Variants in ST6GALNAC3 observed in about 807,000 individuals in gnomAD.
ST6GALNAC3 encodes the protein alpha-N-acetylgalactosaminide alpha-2,6-sialyltransferase 3.
Under a neutral mutation model 32.7 loss-of-function variants are expected in ST6GALNAC3, and 25 were observed. The observed-to-expected ratio is 0.76, with a 90% CI of 0.56 to 1.07. ST6GALNAC3 has a LOEUF of 1.07. Ranked by LOEUF, ST6GALNAC3 falls within the 50% of genes least tolerant of loss-of-function variation. The probability of loss-of-function intolerance (pLI) is 0.00; values close to 1 mark genes in which losing one functional copy is unlikely to be tolerated. For missense variants in ST6GALNAC3, 355 were observed against 382.4 expected, an observed-to-expected ratio of 0.93 and a Z score of 0.60; for synonymous variants, 129 against 133.1, an observed-to-expected ratio of 0.97 and a Z score of 0.21.
At chr1:76,515,385 TG>T (rs1442726730) in intron 3 of ST6GALNAC3, among the ~76,000 whole-genome samples, 4 of 152,262 alleles carry the variant, frequency 2.6e-5, no homozygotes, top group East Asian at 1.9e-4. Flanking sequence ...ACTCTTTTGT[TG>T]TTTTTTTTAA....
At chr1:76,221,477 G>A (rs1655767192) in intron 1 of ST6GALNAC3, among the ~76,000 whole-genome samples, 1 of 152,052 alleles carries the variant, frequency 6.6e-6, no homozygotes, top group Admixed American at 6.6e-5. Context: ...GTAAAATACC[G>A]TGGAAAATAA....
At chr1:76,622,821 TTC>T (rs1362178687) in intron 3 of ST6GALNAC3, among the ~76,000 whole-genome samples, 1 of 151,984 alleles carries the variant, frequency 6.6e-6, no homozygotes, top group Non-Finnish European at 1.5e-5. Flanking sequence ...CATAATCCAG[TTC>T]TCTTTTGAAA....
intron 3 of ST6GALNAC3, among the ~76,000 whole-genome samples, chr1:76,460,461 A>G (rs1658204668): frequency 6.6e-6 from 1 of 152,212 alleles, no homozygotes; most frequent in Admixed American, 6.5e-5. Context: ...ACTATTCACT[A>G]AGAGGGTCCC....
At chr1:76,302,734 G>A (rs966900563) in intron 1 of ST6GALNAC3, among the ~76,000 whole-genome samples, 21 of 151,978 alleles carry the variant, frequency 1.4e-4, no homozygotes, top group Admixed American at 1.4e-3. Context: ...GAAAACGTAT[G>A]CTGTGTGCCC....
At chr1:76,312,196 C>CA (rs1646778788) in intron 1 of ST6GALNAC3, among the ~76,000 whole-genome samples, 2 of 152,108 alleles carry the variant, frequency 1.3e-5, no homozygotes, top group African/African-American at 4.8e-5. Flanking sequence ...CCCTAATTAA[C>CA]AAATGGTGTT....
chr1:76,274,328 G>C (rs6657540), intron 1 of ST6GALNAC3, among the ~76,000 whole-genome samples: 23,106 of 152,094 alleles, frequency 0.15, 3,219 homozygotes, highest in African/African-American at 0.36. Flanking sequence ...CATACCTGCT[G>C]TGTGACGGGA....
At chr1:76,496,787 C>G (rs1660875791) in intron 3 of ST6GALNAC3, among the ~76,000 whole-genome samples, 1 of 152,132 alleles carries the variant, frequency 6.6e-6, no homozygotes, top group Non-Finnish European at 1.5e-5. Flanking sequence ...GCTTAGGAGG[C>G]CCATCAAACA....
chr1:76,152,564 T>C lies in ST6GALNAC3; in HGVS notation c.18+77680T>C, dbSNP rs1651113225. Among the ~76,000 whole-genome samples the C allele has an allele frequency of 2.0e-5, 3 of 152,204 alleles. No individual in the cohort carries two copies. The South Asian group carries it at 6.2e-4, about 32-fold the overall frequency. The stretch of plus-strand genomic sequence containing the variant: ...CTTTGGTAATGTTCATAGTGAAGCA[T>C]CTGAGCTGAGCCTGAGGCTTCCCAG... On this transcript the variant is annotated intron_variant, in intron 1 of 4. Transcript: ENST00000328299.
intron 2 of ST6GALNAC3, among the ~76,000 whole-genome samples, chr1:76,318,879 C>G (rs879109019): frequency 2.6e-5 from 4 of 152,170 alleles, no homozygotes; most frequent in Non-Finnish European, 4.4e-5. Flanking sequence ...GGTAATCTTG[C>G]TTTCTCCTGT....
chr1:76,167,242 A>G (rs1032919012), intron 1 of ST6GALNAC3, among the ~76,000 whole-genome samples: 1 of 152,196 alleles, frequency 6.6e-6, no homozygotes, highest in African/African-American at 2.4e-5. Context: ...CCTTTTCTGC[A>G]TCTATTGAAA....
intron 3 of ST6GALNAC3, among the ~76,000 whole-genome samples, chr1:76,590,816 C>G (rs1361642348): frequency 1.3e-5 from 2 of 152,050 alleles, no homozygotes; most frequent in Non-Finnish European, 2.9e-5. Flanking sequence ...GTACTTGTGT[C>G]CATTTTCTCT....
chr1:76,460,545 G>A (rs1658210457), intron 3 of ST6GALNAC3, among the ~76,000 whole-genome samples: 1 of 152,164 alleles, frequency 6.6e-6, no homozygotes, highest in Admixed American at 6.5e-5. Context: ...TTTGATTGTG[G>A]ATAATAGGTG....
intron 3 of ST6GALNAC3, among the ~76,000 whole-genome samples, chr1:76,594,671 G>A (rs115489395): frequency 2.5e-4 from 38 of 152,244 alleles, no homozygotes; most frequent in African/African-American, 8.7e-4. Flanking sequence ...ATAGACAATA[G>A]ATAAAGCTGC....
At chr1:76,314,718 T>G (rs958821697) in intron 2 of ST6GALNAC3, among the ~76,000 whole-genome samples, 1 of 152,194 alleles carries the variant, frequency 6.6e-6, no homozygotes, top group Non-Finnish European at 1.5e-5. Context: ...TAAAATTGTT[T>G]TCACTATTCA....
At chr1:76,383,715 A>G (rs1315606224) in intron 2 of ST6GALNAC3, among the ~76,000 whole-genome samples, 2 of 152,232 alleles carry the variant, frequency 1.3e-5, no homozygotes, top group Non-Finnish European at 2.9e-5. Context: ...AAAACAAGTA[A>G]TAATGTCTAG....
intron 2 of ST6GALNAC3, among the ~76,000 whole-genome samples, chr1:76,329,134 T>C (rs1023418784): frequency 2.0e-5 from 3 of 152,188 alleles, no homozygotes; most frequent in Non-Finnish European, 4.4e-5. Flanking sequence ...GTGTCAGAAA[T>C]TTTTATGCAG....
At chr1:76,193,340 C>T (rs115227163) in intron 1 of ST6GALNAC3, among the ~76,000 whole-genome samples, 2 of 152,130 alleles carry the variant, frequency 1.3e-5, no homozygotes, top group Non-Finnish European at 2.9e-5. Flanking sequence ...TTGTCACACA[C>T]ATGTTGTTTT....
At chr1:76,108,586 G>C (rs1027746711) in intron 1 of ST6GALNAC3, among the ~76,000 whole-genome samples, 2 of 152,222 alleles carry the variant, frequency 1.3e-5, no homozygotes, top group African/African-American at 4.8e-5. Context: ...GATGGTTAAA[G>C]AAACAAGGTA....
intron 3 of ST6GALNAC3, among the ~76,000 whole-genome samples, chr1:76,478,941 T>G (rs1396365189): frequency 2.0e-5 from 3 of 151,810 alleles, no homozygotes; most frequent in Admixed American, 6.6e-5. Context: ...TTTTTTGTAT[T>G]TTTAGTAGAG....
Sources: allele counts gnomAD v4.1 joint callset (sites outside exome capture counted in the v4.1 genomes callset), GRCh38; gene constraint gnomAD v4.1.1; transcripts MANE v1.5; gene names NCBI Gene and HGNC (gene_info 2026-07-23, HGNC 2026-07-21).